Variants in GABRG3 observed in about 807,000 individuals in gnomAD.
GABRG3 encodes the protein gamma-aminobutyric acid receptor subunit gamma-3.
GABRG3 carries 25 observed loss-of-function variants against 48.8 expected under a neutral mutation model. The observed-to-expected ratio is 0.51, with a 90% CI of 0.37 to 0.72. GABRG3 has a LOEUF of 0.72. GABRG3 is among the 30% of genes least tolerant of loss of function. The probability of loss-of-function intolerance (pLI) is 0.00; values close to 1 mark genes in which losing one functional copy is unlikely to be tolerated. For missense variants in GABRG3, 394 were observed against 577.9 expected (o/e 0.68, Z 3.26); for synonymous variants, 227 against 217.6 (o/e 1.04, Z -0.38).
chr15:27,294,027 A>G (rs997603116), intron 3 of GABRG3, among the ~76,000 whole-genome samples: 2 of 152,136 alleles, frequency 1.3e-5, no homozygotes, highest in African/African-American at 4.8e-5. Context: ...TTGTGATTCA[A>G]ATTAGGATAT....
chr15:27,167,798 G>A (rs543510909), intron 3 of GABRG3, among the ~76,000 whole-genome samples: 1 of 152,290 alleles, frequency 6.6e-6, no homozygotes, highest in East Asian at 1.9e-4. Flanking sequence ...CTCTGATTGC[G>A]CTGCATCGGC....
At chr15:27,450,858 C>T (rs897839631) in intron 5 of GABRG3, among the ~76,000 whole-genome samples, 8 of 152,148 alleles carry the variant, frequency 5.3e-5, no homozygotes, top group Non-Finnish European at 1.5e-5. Context: ...AAATTCAGTA[C>T]AGTTGTGAGG....
intron 5 of GABRG3, among the ~76,000 whole-genome samples, chr15:27,366,836 C>T (rs1895219127): frequency 6.6e-6 from 1 of 152,166 alleles, no homozygotes; most frequent in Non-Finnish European, 1.5e-5. Context: ...GTCCCCCTGC[C>T]CACCTTGACC....
intron 2 of GABRG3, among the ~76,000 whole-genome samples, chr15:26,980,465 C>G (rs1895032145): frequency 1.3e-5 from 2 of 152,018 alleles, no homozygotes. Context: ...ATCACGAGGT[C>G]AGGAGATCAA....
intron 5 of GABRG3, among the ~76,000 whole-genome samples, chr15:27,440,056 C>T (rs1888737533): frequency 1.3e-5 from 2 of 152,192 alleles, no homozygotes; most frequent in African/African-American, 2.4e-5. Context: ...CCACTTCTCT[C>T]CAGATTCCCA....
intron 3 of GABRG3, among the ~76,000 whole-genome samples, chr15:27,184,510 G>T (rs1888032306): frequency 6.6e-6 from 1 of 152,138 alleles, no homozygotes; most frequent in South Asian, 2.1e-4. Flanking sequence ...TATAGATATA[G>T]TTATTGGTCT....
intron 3 of GABRG3, among the ~76,000 whole-genome samples, chr15:27,240,406 C>T (rs1353841103): frequency 1.3e-5 from 2 of 152,108 alleles, no homozygotes; most frequent in Non-Finnish European, 2.9e-5. Flanking sequence ...GGCATCATAT[C>T]GATTTCTGCA....
At chr15:27,276,333 A>G (rs190657512) in intron 3 of GABRG3, among the ~76,000 whole-genome samples, 9 of 152,318 alleles carry the variant, frequency 5.9e-5, no homozygotes, top group Admixed American at 4.6e-4. Context: ...TTATTGACAG[A>G]TCCCGAATAT....
At chr15:27,372,679 T>C (rs1358906949) in intron 5 of GABRG3, among the ~76,000 whole-genome samples, 1 of 152,190 alleles carries the variant, frequency 6.6e-6, no homozygotes, top group African/African-American at 2.4e-5. Flanking sequence ...TGCCTGGCTT[T>C]AGTCCCCTTC....
chr15:27,484,663 C>A (rs1890178478), intron 6 of GABRG3, among the ~76,000 whole-genome samples: 1 of 152,070 alleles, frequency 6.6e-6, no homozygotes, highest in Non-Finnish European at 1.5e-5. Context: ...TGTGAGGCTG[C>A]AGCAGTGAAT....
At chr15:27,456,072 G>C (rs570693176) in intron 5 of GABRG3, among the ~76,000 whole-genome samples, 24 of 152,244 alleles carry the variant, frequency 1.6e-4, no homozygotes, top group Admixed American at 1.4e-3. Context: ...GCCCTGAACT[G>C]GGTGACTATG....
intron 6 of GABRG3, among the ~76,000 whole-genome samples, chr15:27,485,729 G>A (rs550009143): frequency 8.3e-4 from 127 of 152,160 alleles, no homozygotes; most frequent in African/African-American, 2.8e-3. Context: ...AATAACACAG[G>A]TATCTGACTT....
chr15:27,485,227 G>A (rs1890193260), intron 6 of GABRG3, among the ~76,000 whole-genome samples: 1 of 152,186 alleles, frequency 6.6e-6, no homozygotes, highest in South Asian at 2.1e-4. Flanking sequence ...GGTGGCTATG[G>A]AAAGTTATCC....
At chr15:27,340,653 T>C (rs1052253440) in intron 5 of GABRG3, 2 of 153,758 alleles carry the variant, frequency 1.3e-5, no homozygotes, top group Admixed American at 1.3e-4. Flanking sequence ...AAGGAAAAAC[T>C]GAAGTCAATA....
At chr15:27,008,042 A>G (rs538091320) in intron 2 of GABRG3, among the ~76,000 whole-genome samples, 1 of 152,336 alleles carries the variant, frequency 6.6e-6, no homozygotes, top group East Asian at 1.9e-4. Context: ...CTTACTAAAC[A>G]TACTACAGCT....
intron 5 of GABRG3, among the ~76,000 whole-genome samples, chr15:27,370,936 G>A (rs962520188): frequency 7.2e-5 from 11 of 152,266 alleles, no homozygotes; most frequent in East Asian, 1.9e-4. Context: ...CAAGTGGGAC[G>A]CTCACTGCTC....
At chr15:27,134,547 A>T (rs1203396880) in intron 3 of GABRG3, among the ~76,000 whole-genome samples, 1 of 152,162 alleles carries the variant, frequency 6.6e-6, no homozygotes, top group East Asian at 1.9e-4. Flanking sequence ...AGCACTGCTG[A>T]GGCCCTGTGG....
intron 6 of GABRG3, among the ~76,000 whole-genome samples, chr15:27,497,004 AG>A (rs148096284): frequency 0.024 from 3,584 of 152,314 alleles, 151 homozygotes; most frequent in African/African-American, 0.082. Flanking sequence ...GCCAGGTCTC[AG>A]CAGCACCAAG....
intron 6 of GABRG3, among the ~76,000 whole-genome samples, chr15:27,508,966 G>A (rs762288802): frequency 6.5e-4 from 99 of 152,066 alleles, no homozygotes; most frequent in African/African-American, 2.0e-3. Context: ...TGATCCGCCC[G>A]CCTTGGCCTC....
Sources: gnomAD v4.1 joint callset for allele counts (sites outside exome capture counted in the v4.1 genomes callset) on GRCh38, gnomAD v4.1.1 for gene constraint, MANE v1.5 for transcripts, NCBI Gene and HGNC (gene_info 2026-07-23, HGNC 2026-07-21) for gene names.